Variants in ZNF549 observed in about 807,000 individuals in gnomAD.
The protein encoded by ZNF549 is zinc finger protein 549.
Under a neutral mutation model 11.1 loss-of-function variants are expected in ZNF549, and 11 were observed. That is an observed-to-expected ratio of 0.99 (90% CI 0.62 to 1.64). The LOEUF (loss-of-function observed/expected upper bound fraction) is 1.64, where lower values mean the gene tolerates loss of function less well. Among genes scored for constraint, ZNF549 ranks in the 40% most tolerant of loss-of-function variants. The pLI is 0.00. For synonymous variants in ZNF549, 266 were observed against 269.1 expected (o/e 0.99, Z 0.11); for missense variants, 748 against 765.1 (o/e 0.98, Z 0.26).
chr19:57,531,033 T>G (rs2089901805), intron 1 of ZNF549, 37 bp from the exon 2 acceptor site: 7 of 1,596,332 alleles, frequency 4.4e-6, no homozygotes, highest in Non-Finnish European at 5.9e-6. Context: ...AATGCCACCT[T>G]GAACACCTGT....
rs112813880 is a variant in ZNF549 at position 57,539,245 on chromosome 19, C to G, written c.*318C>G. 1.8e-3 allele frequency: 425 copies of G among 242,002 alleles called. No individual in the cohort carries two copies. Among genetic ancestry groups the G allele is most frequent in the Admixed American group, 2.4e-3 (50 of 20,422 alleles). 15.0% of individuals were successfully genotyped at this position (242,002 alleles called of 1,614,324 possible). A position where few individuals can be genotyped will look rare whatever the true frequency, so the allele number is the denominator to read the frequency against. On this transcript the variant is annotated 3_prime_UTR_variant, in exon 4 of 4. Transcript: ENST00000376233. ...ATAATAAAAGCCTGTTGAGGGTCCT[C>G]TTCCATCTTGCTGAACTGTTCGAGG...
At position 57,537,750 on chromosome 19, in the gene ZNF549, G is replaced by C. The variant is rs200419451; in HGVS notation, c.746G>C (p.Arg249Pro). Residue 249 changes from arginine (R) to proline (P), a missense_variant, in exon 4 of 4, where the codon CGT becomes CCT. Arg to Pro is a moderately radical substitution (Grantham distance 103). Transcript: ENST00000376233. ...CACACTGGAGAAAAAGCTTATAAGC[G>C]TAGGGAATATGGGAAATCCTTGAAC... is the stretch of plus-strand genomic sequence containing the variant. Reference protein sequence around the residue: ...RVHTGEKAYKRREYGKSLNSK... With the variant: ...RVHTGEKAYKPREYGKSLNSK... The C allele has an allele frequency of 1.5e-5, 25 of 1,614,054 alleles. No individual in the cohort carries two copies. In the South Asian group the frequency reaches 2.2e-4, roughly 14 times the overall value.
intron 3 of ZNF549, among the ~76,000 whole-genome samples, chr19:57,535,944 T>G (rs898219862): frequency 5.3e-5 from 8 of 152,140 alleles, no homozygotes; most frequent in African/African-American, 1.9e-4. Flanking sequence ...TGGGAGGGCA[T>G]GATTTGAGGG....
Position 57,539,056 on chromosome 19 carries a change from G to C in ZNF549, c.*129G>C. 1 of 1,100,860 alleles carries C rather than the reference G, an allele frequency of 9.1e-7. No homozygotes were observed. Among genetic ancestry groups the C allele is most frequent in the Admixed American group, 2.5e-5 (1 of 40,040 alleles). The allele number at this position is 1,100,860 out of a possible 1,614,324, so 68.2% of individuals were successfully genotyped here. A position where few individuals can be genotyped will look rare whatever the true frequency, so the allele number is the denominator to read the frequency against. Reference sequence around the variant, plus strand: ...CACTAGTTGAAAGATTCACTACAAGGTCCAAGTACTTGGGAAGCTTTCTAG... The same window carrying C: ...CACTAGTTGAAAGATTCACTACAAGCTCCAAGTACTTGGGAAGCTTTCTAG... On this transcript the variant is annotated 3_prime_UTR_variant, in exon 4 of 4. Coordinates refer to ENST00000376233, the MANE Select transcript of ZNF549 (RefSeq NM_001199295.2).
At position 57,538,676 on chromosome 19, in the gene ZNF549, G is replaced by T. The variant is rs202075576; in HGVS notation, c.1672G>T (p.Glu558Ter). Reference sequence around the variant, plus strand: ...AGTTCACACTGGCGAAAAGCCCTGTGAGTGCAGTGAATGTGGGAAATGCTT... The same window carrying T: ...AGTTCACACTGGCGAAAAGCCCTGTTAGTGCAGTGAATGTGGGAAATGCTT... ...QKVHTGEKPC[E>*]CSECGKCFRH... Residue 558 changes from glutamate to a stop codon, truncating the protein, a stop_gained, in exon 4 of 4, where the codon GAG (glutamate) becomes TAG (stop). Transcript: ENST00000376233. LOFTEE classifies it low-confidence loss of function (END_TRUNC). 635 of 1,614,054 alleles carry T rather than the reference G, an allele frequency of 3.9e-4. 2 individuals are homozygous for T. Among genetic ancestry groups the T allele is most frequent in the Non-Finnish European group, 5.2e-4 (618 of 1,180,040 alleles).
chr19:57,529,506 C>G (rs2089894243), intron 1 of ZNF549, among the ~76,000 whole-genome samples: 2 of 152,168 alleles, frequency 1.3e-5, no homozygotes, highest in Non-Finnish European at 2.9e-5. Context: ...AATGTGGTAT[C>G]TCTCTAAATA....
At position 57,537,211 on chromosome 19, in the gene ZNF549, G is replaced by T. The variant is rs1232696450; in HGVS notation, c.207G>T (p.Leu69Phe). The change falls in exon 4 of 4, where the codon TTG (leucine) becomes TTT (phenylalanine). Residue 69 changes from leucine (L) to phenylalanine (F), a missense_variant. Physicochemically the swap from Leu to Phe is conservative, Grantham distance 22. Transcript: ENST00000376233. ...GCATTTTTATGCTTTTAGGTTGTTT[G>T]CATGGAATAGAGGCTGAGGAGGCCC... The part of the protein sequence containing the change: ...NFSLMASVGC[L>F]HGIEAEEAPS... 2 of 1,609,782 alleles carry T rather than the reference G, an allele frequency of 1.2e-6. No homozygotes were observed. The highest frequency in any genetic ancestry group is 3.4e-5 in the Admixed American group (2 of 59,270).
At chr19:57,537,103 C>A in intron 3 of ZNF549, 101 bp from the exon 4 acceptor site, 1 of 1,388,546 alleles carries the variant, frequency 7.2e-7, no homozygotes, top group Non-Finnish European at 9.7e-7. Flanking sequence ...CAAAGAAAAA[C>A]CATGGACTCG....
Position 57,537,634 on chromosome 19 carries a change from A to T in ZNF549, c.630A>T (p.Ala210=), listed in dbSNP as rs61736502. 1.1e-3 allele frequency: 1,824 copies of T among 1,614,230 alleles called. 39 individuals are homozygous for T. The South Asian group carries it at 0.018, about 16-fold the overall frequency. Residue 210 remains alanine (A), a synonymous_variant, in exon 4 of 4, where the codon GCA becomes GCT. Coordinates refer to ENST00000376233, the MANE Select transcript of ZNF549 (RefSeq NM_001199295.2). The stretch of plus-strand genomic sequence containing the variant: ...CCACCCACAGCAGACAAGAGTATGC[A>T]CATAGAAGCAGGGAGACCTTTCAAC... ...HQTTHSRQEY[A]HRSRETFQQR...
intron 1 of ZNF549, among the ~76,000 whole-genome samples, chr19:57,527,996 T>C (rs1474478783): frequency 6.6e-6 from 1 of 152,090 alleles, no homozygotes; most frequent in African/African-American, 2.4e-5. Flanking sequence ...TGAAAAAATA[T>C]TTCAAAGGCA....
chr19:57,529,911 A>T (rs1332421530), intron 1 of ZNF549, among the ~76,000 whole-genome samples: 1 of 151,974 alleles, frequency 6.6e-6, no homozygotes, highest in Admixed American at 6.6e-5. Flanking sequence ...AAAATAAATA[A>T]ATAAATAAAT....
At chr19:57,529,883 C>T (rs949507164) in intron 1 of ZNF549, among the ~76,000 whole-genome samples, 1 of 151,542 alleles carries the variant, frequency 6.6e-6, no homozygotes. Flanking sequence ...GAGGCTCCGT[C>T]TCCAAAAATA....
chr19:57,537,059 A>G, intron 3 of ZNF549, 145 bp from the exon 4 acceptor site: 1 of 883,420 alleles, frequency 1.1e-6, no homozygotes, highest in Non-Finnish European at 1.7e-6. Context: ...CTGCAACTGC[A>G]CTCCCATCTG....
Position 57,527,527 on chromosome 19 carries a change from C to G in ZNF549, c.-47C>G. On this transcript the variant is annotated 5_prime_UTR_variant, in exon 1 of 4. Coordinates refer to ENST00000376233, the MANE Select transcript of ZNF549 (RefSeq NM_001199295.2). ...TTGCCACCGCACGCACGCCGGATCC[C>G]GGGCTTTACCGCCCGCCTTTCCAGG... 6.2e-7 allele frequency: 1 copy of G among 1,611,708 alleles called. No homozygotes were observed. The highest frequency in any genetic ancestry group is 1.7e-5 in the Admixed American group (1 of 59,930).
At chr19:57,530,128 A>G (rs904417988) in intron 1 of ZNF549, among the ~76,000 whole-genome samples, 2 of 152,192 alleles carry the variant, frequency 1.3e-5, no homozygotes, top group Non-Finnish European at 2.9e-5. Flanking sequence ...GTGAGCAGAC[A>G]AGGTGGAGTC....
At position 57,527,416 on chromosome 19, in the gene ZNF549, C is replaced by T. The variant is rs1352855429; in HGVS notation, c.-158C>T. 1.4e-5 allele frequency: 15 copies of T among 1,075,256 alleles called. No individual in the cohort carries two copies. The allele number at this position is 1,075,256 out of a possible 1,614,324, so 66.6% of individuals were successfully genotyped here. ...CGTTTCCGGCTCGCTGGGTCCGGGC[C>T]AGGTAACTGGAGCCGGAAACCGGTG... On this transcript the variant is annotated 5_prime_UTR_variant, in exon 1 of 4. Coordinates refer to ENST00000376233, the MANE Select transcript of ZNF549 (RefSeq NM_001199295.2).
At chr19:57,535,528 A>C in intron 3 of ZNF549, 1 of 460,260 alleles carries the variant, frequency 2.2e-6, no homozygotes. Flanking sequence ...TGGTTTTGCC[A>C]CTCCTTGCTA....
chr19:57,529,257 A>G (rs2089892937), intron 1 of ZNF549, among the ~76,000 whole-genome samples: 1 of 152,220 alleles, frequency 6.6e-6, no homozygotes, highest in Non-Finnish European at 1.5e-5. Context: ...CTCAGAGGAT[A>G]CCTTTCAAGA....
At chr19:57,537,143 A>G (rs2089928040) in intron 3 of ZNF549, 61 bp from the exon 4 acceptor site, 1 of 1,535,614 alleles carries the variant, frequency 6.5e-7, no homozygotes. Flanking sequence ...GGTATTTGTA[A>G]TGGAGCTGTT....
Sources: gnomAD v4.1 joint callset for allele counts (sites outside exome capture counted in the v4.1 genomes callset) on GRCh38, gnomAD v4.1.1 for gene constraint, MANE v1.5 for transcripts, NCBI Gene and HGNC (gene_info 2026-07-23, HGNC 2026-07-21) for gene names.